Variants in HTR7 observed in about 807,000 individuals in gnomAD.
HTR7 encodes 5-HT-7.
Under a neutral mutation model 34.0 loss-of-function variants are expected in HTR7, and 16 were observed. The observed-to-expected ratio is 0.47, with a 90% CI of 0.32 to 0.71. HTR7 has a LOEUF of 0.71. Ranked by LOEUF, HTR7 falls within the 30% of genes least tolerant of loss-of-function variation. The pLI, the probability that HTR7 is intolerant of heterozygous loss-of-function variation, is 0.04. For synonymous variants in HTR7, 265 were observed against 260.2 expected, an observed-to-expected ratio of 1.02 and a Z score of -0.18; for missense variants, 504 against 625.5, an observed-to-expected ratio of 0.81 and a Z score of 2.07.
chr10:90,787,112 C>T (rs1845391480), intron 1 of HTR7, among the ~76,000 whole-genome samples: 1 of 152,192 alleles, frequency 6.6e-6, no homozygotes, highest in South Asian at 2.1e-4. Flanking sequence ...AAGCCATCCT[C>T]TAACCGTGCC....
At chr10:90,838,307 C>T (rs1014187106) in intron 1 of HTR7, among the ~76,000 whole-genome samples, 1 of 152,174 alleles carries the variant, frequency 6.6e-6, no homozygotes, top group Non-Finnish European at 1.5e-5. Context: ...ATCCTTCATG[C>T]CTGTCTCCCT....
chr10:90,807,707 T>A (rs1288749206), intron 1 of HTR7, among the ~76,000 whole-genome samples: 1 of 152,230 alleles, frequency 6.6e-6, no homozygotes, highest in African/African-American at 2.4e-5. Flanking sequence ...ACAAAGCCTG[T>A]TTGGTGGTCT....
At chr10:90,776,088 T>C (rs1435292246) in intron 1 of HTR7, among the ~76,000 whole-genome samples, 1 of 152,230 alleles carries the variant, frequency 6.6e-6, no homozygotes, top group Non-Finnish European at 1.5e-5. Context: ...TGACAGCACA[T>C]CATAATTCTC....
intron 1 of HTR7, among the ~76,000 whole-genome samples, chr10:90,813,247 G>C (rs146659870): frequency 6.6e-6 from 1 of 152,120 alleles, no homozygotes; most frequent in African/African-American, 2.4e-5. Context: ...CTCTTCACAC[G>C]GACGCGCATG....
At chr10:90,754,832 A>G (rs1029376098) in intron 1 of HTR7, among the ~76,000 whole-genome samples, 5 of 152,226 alleles carry the variant, frequency 3.3e-5, no homozygotes, top group African/African-American at 1.2e-4. Flanking sequence ...AGGTAGAATT[A>G]TTCTGAAATA....
At chr10:90,794,666 AT>A in intron 1 of HTR7, among the ~76,000 whole-genome samples, 1 of 151,944 alleles carries the variant, frequency 6.6e-6, no homozygotes, top group Admixed American at 6.6e-5. Context: ...ACACCTGGCT[AT>A]TTTTTTATTA....
chr10:90,806,678 T>C (rs908990825), intron 1 of HTR7, among the ~76,000 whole-genome samples: 1 of 152,086 alleles, frequency 6.6e-6, no homozygotes, highest in African/African-American at 2.4e-5. Context: ...CAGTGGAGTT[T>C]AGCAATGGAT....
intron 1 of HTR7, among the ~76,000 whole-genome samples, chr10:90,823,891 G>C (rs975952681): frequency 7.9e-5 from 12 of 152,184 alleles, no homozygotes; most frequent in African/African-American, 2.9e-4. Flanking sequence ...AGACATGCTT[G>C]CTTCCCCTTT....
At chr10:90,831,630 C>T (rs1399161271) in intron 1 of HTR7, among the ~76,000 whole-genome samples, 1 of 152,224 alleles carries the variant, frequency 6.6e-6, no homozygotes. Flanking sequence ...GCTCCACCCA[C>T]AACCTGCGGA....
At chr10:90,849,585 GAGGC>G (rs1028455529) in intron 1 of HTR7, among the ~76,000 whole-genome samples, 2 of 152,198 alleles carry the variant, frequency 1.3e-5, no homozygotes, top group African/African-American at 4.8e-5. Flanking sequence ...GTTGAGGAGT[GAGGC>G]AGGGACAAAC....
intron 1 of HTR7, among the ~76,000 whole-genome samples, chr10:90,827,091 C>A (rs72810814): frequency 0.016 from 2,488 of 151,636 alleles, 38 homozygotes; most frequent in Non-Finnish European, 0.025. Context: ...TTCAACCATA[C>A]CACTAGAGAA....
rs532587234 is a variant in HTR7, at chr10:90,818,676, G to GC, written c.539+38456dup. Among the ~76,000 whole-genome samples, 398 of 152,150 alleles carry GC rather than the reference G, an allele frequency of 2.6e-3. 3 individuals are homozygous for GC. Among genetic ancestry groups the GC allele is most frequent in the African/African-American group, 9.2e-3 (382 of 41,498 alleles). On this transcript the variant is annotated intron_variant, in intron 1 of 3. Transcript: ENST00000336152. ...GCACAAAGGCCCCCACTAGATGCTG[G>GC]CACCATGTTCTTCAACTTCCCAGCC... is the stretch of plus-strand genomic sequence containing the variant.
intron 1 of HTR7, among the ~76,000 whole-genome samples, chr10:90,845,395 G>A (rs1341471737): frequency 1.3e-5 from 2 of 152,118 alleles, no homozygotes; most frequent in East Asian, 1.9e-4. Context: ...AGTGAAATAC[G>A]TATGACCTTT....
At chr10:90,831,740 G>A (rs1179523913) in intron 1 of HTR7, among the ~76,000 whole-genome samples, 1 of 152,292 alleles carries the variant, frequency 6.6e-6, no homozygotes, top group East Asian at 1.9e-4. Flanking sequence ...CCCTGAGCTA[G>A]ACACAAAAGT....
At chr10:90,852,202 T>TTAAAAAAAAA (rs753396835) in intron 1 of HTR7, among the ~76,000 whole-genome samples, 1 of 135,252 alleles carries the variant, frequency 7.4e-6, no homozygotes, top group Non-Finnish European at 1.6e-5. Flanking sequence ...TTATGTGAAG[T>TTAAAAAAAAA]AAAAAAAAAA....
At chr10:90,822,314 C>A (rs1564694016) in intron 1 of HTR7, among the ~76,000 whole-genome samples, 1 of 152,218 alleles carries the variant, frequency 6.6e-6, no homozygotes, top group Non-Finnish European at 1.5e-5. Flanking sequence ...AAAGGTCACA[C>A]TTGCCATGCT....
chr10:90,808,437 G>C (rs1441354409), intron 1 of HTR7, among the ~76,000 whole-genome samples: 1 of 151,898 alleles, frequency 6.6e-6, no homozygotes, highest in Non-Finnish European at 1.5e-5. Context: ...CTGCTTTTCT[G>C]GGGGAGGGGC....
At chr10:90,821,876 A>T (rs1219182599) in intron 1 of HTR7, among the ~76,000 whole-genome samples, 1 of 134,368 alleles carries the variant, frequency 7.4e-6, no homozygotes, top group Admixed American at 7.6e-5. Context: ...TCCTGCTGGC[A>T]ATGGGAAAGA....
intron 1 of HTR7, among the ~76,000 whole-genome samples, chr10:90,849,294 A>T (rs1410484612): frequency 1.3e-5 from 2 of 152,192 alleles, no homozygotes; most frequent in African/African-American, 4.8e-5. Context: ...ATGTATGTAA[A>T]TTCCCTTTGC....
Sources: allele counts gnomAD v4.1 joint callset (sites outside exome capture counted in the v4.1 genomes callset), GRCh38; gene constraint gnomAD v4.1.1; transcripts MANE v1.5; gene names NCBI Gene and HGNC (gene_info 2026-07-23, HGNC 2026-07-21).